The following ALK variants were observed in gnomAD, a reference collection of about 807,000 sequenced individuals.
ALK encodes ALK receptor tyrosine kinase.
ALK carries 74 observed loss-of-function variants against 163.1 expected under a neutral mutation model. The ratio of observed to expected loss-of-function variants is 0.45; its 90% CI spans 0.38 to 0.55. The LOEUF (loss-of-function observed/expected upper bound fraction) is 0.55, where lower values mean the gene tolerates loss of function less well. Ranked by LOEUF, ALK falls within the 20% of genes least tolerant of loss-of-function variation. ALK has a pLI of 0.00. For missense variants in ALK, 2,063 were observed against 2,105.3 expected (o/e 0.98, Z 0.39); for synonymous variants, 960 against 843.2 (o/e 1.14, Z -2.40).
intron 4 of ALK, among the ~76,000 whole-genome samples, chr2:29,530,613 G>A (rs890234102): frequency 6.6e-6 from 1 of 152,196 alleles, no homozygotes; most frequent in African/African-American, 2.4e-5. Context: ...ATACCTATAG[G>A]ATGGCACATA....
intron 2 of ALK, among the ~76,000 whole-genome samples, chr2:29,695,995 C>T (rs1678547731): frequency 6.6e-6 from 1 of 152,104 alleles, no homozygotes; most frequent in South Asian, 2.1e-4. Context: ...ACCATTTGAC[C>T]CAGCAATCCC....
chr2:29,827,659 G>C (rs1572412869), intron 1 of ALK, among the ~76,000 whole-genome samples: 1 of 152,248 alleles, frequency 6.6e-6, no homozygotes, highest in African/African-American at 2.4e-5. Context: ...GCTTTGCAAG[G>C]AGACTGAGAA....
At chr2:29,443,662 G>A (rs985982673) in intron 4 of ALK, among the ~76,000 whole-genome samples, 1 of 152,166 alleles carries the variant, frequency 6.6e-6, no homozygotes, top group Non-Finnish European at 1.5e-5. Flanking sequence ...TTGGAAAGGG[G>A]CTAGTCTCCT....
At chr2:29,368,099 T>C (rs1391108290) in intron 5 of ALK, among the ~76,000 whole-genome samples, 1 of 152,174 alleles carries the variant, frequency 6.6e-6, no homozygotes, top group Admixed American at 6.5e-5. Flanking sequence ...TGGCTTAGTG[T>C]TTAGCAGGAG....
chr2:29,239,736 T>C lies in ALK; in HGVS notation c.2299A>G (p.Lys767Glu), dbSNP rs1180065316. ...VSVLGIFNLEKDDMLYILVGQ... is the reference protein window; with the variant it reads ...VSVLGIFNLEEDDMLYILVGQ... ...ACCAGGATGTACAGCATGTCATCCT[T>C]CTCCAGGTTGAAGATGCCCAGCACA... is the stretch of plus-strand genomic sequence containing the variant. The change falls in exon 13 of 29, where the codon AAG becomes GAG. Residue 767 changes from lysine (K) to glutamate (E), a missense_variant. By Grantham distance (56) the Lys-to-Glu change is moderately conservative. Transcript: ENST00000389048. The C allele has an allele frequency of 6.2e-7, 1 of 1,613,990 alleles. No homozygotes were observed. Among genetic ancestry groups the C allele is most frequent in the Non-Finnish European group, 8.5e-7 (1 of 1,179,996 alleles).
intron 3 of ALK, among the ~76,000 whole-genome samples, chr2:29,643,292 AG>A (rs1454321276): frequency 6.6e-6 from 1 of 152,226 alleles, no homozygotes. Flanking sequence ...GCATCTGCAA[AG>A]GCAAACTGGT....
chr2:29,300,223 G>A (rs528515239), intron 8 of ALK, among the ~76,000 whole-genome samples: 1 of 152,206 alleles, frequency 6.6e-6, no homozygotes, highest in Admixed American at 6.5e-5. Context: ...CCCAAGAGTG[G>A]AGGAAGGTGG....
At position 29,372,890 on chromosome 2, in the gene ALK, G is replaced by C. The variant is rs115390457; in HGVS notation, c.1282+10842C>G. ...CAGTTGTTTCAGGAAGACGGAGATG[G>C]TGTGGGACAGGTGGTGAACTGGAAC... On this transcript the variant is annotated intron_variant, in intron 5 of 28. Coordinates refer to ENST00000389048, the MANE Select transcript of ALK (RefSeq NM_004304.5). Among the ~76,000 whole-genome samples, 704 of 152,336 alleles carry C rather than the reference G, an allele frequency of 4.6e-3. 8 individuals are homozygous for C. Among genetic ancestry groups the C allele is most frequent in the African/African-American group, 0.016 (679 of 41,558 alleles).
At chr2:29,741,410 T>C (rs1219669021) in intron 1 of ALK, among the ~76,000 whole-genome samples, 2 of 152,226 alleles carry the variant, frequency 1.3e-5, no homozygotes, top group Non-Finnish European at 2.9e-5. Flanking sequence ...CTATGCATTG[T>C]GGGAGCAGGG....
At chr2:29,201,975 A>T (rs1669192128) in intron 26 of ALK, among the ~76,000 whole-genome samples, 2 of 152,038 alleles carry the variant, frequency 1.3e-5, no homozygotes, top group African/African-American at 4.8e-5. Context: ...AGATCATATC[A>T]CACTCCTGCT....
Position 29,220,883 on chromosome 2 carries a change from G to T in ALK, c.3516-48C>A, listed in dbSNP as rs80152976. The T allele has an allele frequency of 3.4e-3, 5,476 of 1,612,192 alleles. 195 individuals are homozygous for T. The East Asian group carries it at 0.084, about 25-fold the overall frequency. On this transcript the variant is annotated intron_variant, in intron 22 of 28. Coordinates refer to ENST00000389048, the MANE Select transcript of ALK (RefSeq NM_004304.5). ...ACCAAAATTAACTGAGCTGAGTCTG[G>T]GCAAATCTTAAACTGGGAGGAACAG...
At chr2:29,467,038 C>A (rs187776584) in intron 4 of ALK, among the ~76,000 whole-genome samples, 1 of 152,124 alleles carries the variant, frequency 6.6e-6, no homozygotes, top group Admixed American at 6.5e-5. Flanking sequence ...AATAATTTCA[C>A]CCCTCCTCCC....
chr2:29,296,957 T>C lies in ALK; in HGVS notation c.1748A>G (p.His583Arg). The change falls in exon 9 of 29, where the codon CAT becomes CGT. Residue 583 changes from histidine (H) to arginine (R), a missense_variant. Transcript: ENST00000389048. ...GCTCAAGCCTTCATAGGCGGCGACA[T>C]GCCAGACCATCCTGCCTTGCTCCTT... is the stretch of plus-strand genomic sequence containing the variant. ...TGKEQGRMVW[H>R]VAAYEGLSLW... is the part of the protein sequence containing the mutation. 1.2e-6 allele frequency: 2 copies of C among 1,614,222 alleles called. No homozygotes were observed. Among genetic ancestry groups the C allele is most frequent in the Non-Finnish European group, 1.7e-6 (2 of 1,180,034 alleles).
intron 13 of ALK, among the ~76,000 whole-genome samples, chr2:29,235,143 A>G (rs759576422): frequency 1.5e-4 from 23 of 152,244 alleles, no homozygotes; most frequent in Non-Finnish European, 2.8e-4. Flanking sequence ...AAGAAGTAGG[A>G]TGGTGCTTCA....
At chr2:29,316,857 T>C (rs561090168) in intron 8 of ALK, among the ~76,000 whole-genome samples, 1 of 152,336 alleles carries the variant, frequency 6.6e-6, no homozygotes, top group East Asian at 1.9e-4. Context: ...TCTAGTAGGA[T>C]AGCATAGCCT....
chr2:29,262,205 T>C (rs1236693211), intron 11 of ALK, among the ~76,000 whole-genome samples: 1 of 152,206 alleles, frequency 6.6e-6, no homozygotes, highest in Non-Finnish European at 1.5e-5. Flanking sequence ...GATTGCAAAG[T>C]AAACCTGGGG....
chr2:29,417,192 G>A (rs1669903845), intron 4 of ALK, among the ~76,000 whole-genome samples: 2 of 152,008 alleles, frequency 1.3e-5, no homozygotes, highest in South Asian at 4.2e-4. Flanking sequence ...ATTTCACCAT[G>A]TTAGCCAGGG....
chr2:29,651,638 C>G (rs1165964626), intron 3 of ALK, among the ~76,000 whole-genome samples: 1 of 152,052 alleles, frequency 6.6e-6, no homozygotes, highest in Non-Finnish European at 1.5e-5. Flanking sequence ...GCAGTTATGC[C>G]CTGCACAACT....
chr2:29,669,064 C>G (rs1677604289), intron 3 of ALK, among the ~76,000 whole-genome samples: 1 of 151,864 alleles, frequency 6.6e-6, no homozygotes, highest in Non-Finnish European at 1.5e-5. Context: ...ACAGCCAAAC[C>G]ATATCAGCAA....
Sources: allele counts gnomAD v4.1 joint callset (sites outside exome capture counted in the v4.1 genomes callset), GRCh38; gene constraint gnomAD v4.1.1; transcripts MANE v1.5; gene names NCBI Gene and HGNC (gene_info 2026-07-23, HGNC 2026-07-21).